Variants in PRKCH observed in about 807,000 individuals in gnomAD.
PRKCH encodes protein kinase C eta type.
Under a neutral mutation model 82.5 loss-of-function variants are expected in PRKCH, and 28 were observed. The observed-to-expected ratio is 0.34, with a 90% CI of 0.25 to 0.47. The LOEUF is 0.47. Among genes scored for constraint, PRKCH ranks in the 20% least tolerant of loss-of-function variants. The probability of loss-of-function intolerance (pLI) is 1.00; values close to 1 mark genes in which losing one functional copy is unlikely to be tolerated. For synonymous variants in PRKCH, 322 were observed against 327.4 expected (o/e 0.98, Z 0.18); for missense variants, 705 against 881.8 (o/e 0.80, Z 2.54).
chr14:61,505,627 G>A (rs1387676293), intron 10 of PRKCH, among the ~76,000 whole-genome samples: 1 of 151,560 alleles, frequency 6.6e-6, no homozygotes, highest in African/African-American at 2.4e-5. Flanking sequence ...CACCCGCCTT[G>A]GCCTGCCAAA....
chr14:61,205,010 T>A (rs1034961419), intron 1 of PRKCH, among the ~76,000 whole-genome samples: 2 of 152,230 alleles, frequency 1.3e-5, no homozygotes, highest in Admixed American at 6.5e-5. Flanking sequence ...ATTATTTTGA[T>A]GACATTTTAA....
intron 1 of PRKCH, among the ~76,000 whole-genome samples, chr14:61,210,139 TATATATATATATATATATATATA>T (rs2044561483): frequency 2.2e-5 from 1 of 45,462 alleles, no homozygotes; most frequent in Non-Finnish European, 4.1e-5. Context: ...TATATATATA[TATATATATATATATATATATATA>T]AATTAGCTTG....
intron 1 of PRKCH, among the ~76,000 whole-genome samples, chr14:61,265,317 C>CA (rs976768737): frequency 1.4e-4 from 22 of 152,128 alleles, no homozygotes; most frequent in Admixed American, 1.4e-3. Context: ...CCTGTCTCTA[C>CA]AAAAAATACA....
intron 1 of PRKCH, among the ~76,000 whole-genome samples, chr14:61,253,265 G>A (rs10873137): frequency 0.93 from 141,025 of 152,276 alleles, 66,236 homozygotes; most frequent in Non-Finnish European, 1. Context: ...CTAATAGCTG[G>A]ACTGTTTCTT....
At chr14:61,452,235 G>A (rs1213772422) in intron 6 of PRKCH, among the ~76,000 whole-genome samples, 1 of 152,100 alleles carries the variant, frequency 6.6e-6, no homozygotes, top group African/African-American at 2.4e-5. Flanking sequence ...GAGAGGGGTG[G>A]GTTTCCCATG....
intron 1 of PRKCH, among the ~76,000 whole-genome samples, chr14:61,198,830 C>T (rs2044459261): frequency 6.6e-6 from 1 of 152,202 alleles, no homozygotes; most frequent in South Asian, 2.1e-4. Flanking sequence ...GGAGGCCAAT[C>T]AGCAGAAATA....
chr14:61,396,081 GAAA>G (rs34478520), intron 2 of PRKCH, among the ~76,000 whole-genome samples: 3 of 120,562 alleles, frequency 2.5e-5, no homozygotes, highest in Non-Finnish European at 3.4e-5. Flanking sequence ...CCTTGTTTCA[GAAA>G]AAAAAAAAAA....
At chr14:61,547,987 C>G in intron 13 of PRKCH, 101 bp downstream of exon 13, 2 of 1,478,634 alleles carry the variant, frequency 1.4e-6, no homozygotes, top group Non-Finnish European at 1.8e-6. Context: ...GGGTGACAGA[C>G]CAGAAATTCA....
At chr14:61,453,516 T>C (rs1485422620) in intron 7 of PRKCH, among the ~76,000 whole-genome samples, 163 bp downstream of exon 7, 1 of 151,910 alleles carries the variant, frequency 6.6e-6, no homozygotes, top group Non-Finnish European at 1.5e-5. Flanking sequence ...CTTTCTTTTT[T>C]CTTTTCTTTC....
At chr14:61,517,966 A>C (rs2252267) in intron 10 of PRKCH, among the ~76,000 whole-genome samples, 1 of 151,956 alleles carries the variant, frequency 6.6e-6, no homozygotes. Flanking sequence ...CTATCAGAAA[A>C]CCTTCATTTC....
chr14:61,542,213 C>G (rs1233353178), intron 12 of PRKCH, among the ~76,000 whole-genome samples: 1 of 151,610 alleles, frequency 6.6e-6, no homozygotes, highest in African/African-American at 2.4e-5. Flanking sequence ...TTGCTTGAAC[C>G]TGGGAGGGGG....
intron 1 of PRKCH, among the ~76,000 whole-genome samples, chr14:61,356,279 T>C (rs2140155305): frequency 6.6e-6 from 1 of 152,274 alleles, no homozygotes; most frequent in South Asian, 2.1e-4. Context: ...CTGTCCAAAG[T>C]GGATGTCCTG....
intron 2 of PRKCH, among the ~76,000 whole-genome samples, chr14:61,409,697 C>G (rs920077568): frequency 8.7e-6 from 1 of 115,444 alleles, no homozygotes; most frequent in South Asian, 3.3e-4. Flanking sequence ...CAGTGAGACC[C>G]TGTCTCAAAA....
intron 1 of PRKCH, among the ~76,000 whole-genome samples, chr14:61,308,226 C>A (rs2045496703): frequency 6.6e-6 from 1 of 152,120 alleles, no homozygotes; most frequent in Admixed American, 6.5e-5. Context: ...ATAAATGGAC[C>A]AAAACTAAGA....
chr14:61,548,587 T>C (rs1285347855), intron 13 of PRKCH, among the ~76,000 whole-genome samples: 1 of 152,060 alleles, frequency 6.6e-6, no homozygotes, highest in Non-Finnish European at 1.5e-5. Context: ...AGACCTGGCG[T>C]GGTGGCTCAT....
At chr14:61,388,733 A>G (rs1368979239) in intron 1 of PRKCH, among the ~76,000 whole-genome samples, 10 of 152,208 alleles carry the variant, frequency 6.6e-5, no homozygotes, top group Non-Finnish European at 1.5e-4. Flanking sequence ...ATCTCTCTAG[A>G]GAGCTCTATT....
chr14:61,336,543 A>C (rs2045859681), intron 1 of PRKCH, among the ~76,000 whole-genome samples: 1 of 152,274 alleles, frequency 6.6e-6, no homozygotes, highest in South Asian at 2.1e-4. Context: ...AGTGAGAACC[A>C]ACAAACCAGA....
At chr14:61,322,771 T>TC in intron 1 of PRKCH, 1 of 314,856 alleles carries the variant, frequency 3.2e-6, no homozygotes, top group Non-Finnish European at 5.9e-6. Context: ...GGTAAGGAGC[T>TC]CCAACTTTCA....
chr14:61,379,786 C>T (rs1219540604), intron 1 of PRKCH, among the ~76,000 whole-genome samples: 1 of 152,168 alleles, frequency 6.6e-6, no homozygotes, highest in Non-Finnish European at 1.5e-5. Flanking sequence ...AGGGTCACAC[C>T]TGTCACTTCT....
Sources: gnomAD v4.1 joint callset for allele counts (sites outside exome capture counted in the v4.1 genomes callset) on GRCh38, gnomAD v4.1.1 for gene constraint, MANE v1.5 for transcripts, NCBI Gene and HGNC (gene_info 2026-07-23, HGNC 2026-07-21) for gene names.